Variants in ASTN1 observed in about 807,000 individuals in gnomAD.
The protein encoded by ASTN1 is astrotactin 1.
ASTN1 carries 41 observed loss-of-function variants against 140.7 expected under a neutral mutation model. The observed-to-expected ratio is 0.29, with a 90% CI of 0.23 to 0.38. ASTN1 has a LOEUF of 0.38. ASTN1 is among the 10% of genes least tolerant of loss of function. The pLI is 1.00. For synonymous variants in ASTN1, 640 were observed against 652.2 expected (o/e 0.98, Z 0.29); for missense variants, 1,479 against 1,678.8 (o/e 0.88, Z 2.08).
At chr1:177,016,011 A>G (rs1156494958) in intron 7 of ASTN1, among the ~76,000 whole-genome samples, 1 of 152,202 alleles carries the variant, frequency 6.6e-6, no homozygotes, top group Non-Finnish European at 1.5e-5. Flanking sequence ...CCATTTCTTT[A>G]TCTCCCCAGA....
intron 16 of ASTN1, among the ~76,000 whole-genome samples, chr1:176,896,264 C>T (rs753856702): frequency 1.2e-4 from 19 of 152,164 alleles, no homozygotes; most frequent in Non-Finnish European, 2.1e-4. Context: ...TATAATTCAT[C>T]GCATACTTGC....
intron 9 of ASTN1, among the ~76,000 whole-genome samples, chr1:176,958,760 G>A (rs544343825): frequency 4.6e-5 from 7 of 152,292 alleles, no homozygotes; most frequent in African/African-American, 7.2e-5. Flanking sequence ...AGCTTTCTTC[G>A]GATTTGAAGC....
intron 9 of ASTN1, among the ~76,000 whole-genome samples, chr1:176,964,438 A>C (rs1452294643): frequency 6.6e-6 from 1 of 152,234 alleles, no homozygotes; most frequent in Middle Eastern, 3.2e-3. Context: ...TAGATTGACA[A>C]AATGAATGGA....
intron 2 of ASTN1, among the ~76,000 whole-genome samples, chr1:177,034,654 T>C (rs1238104207): frequency 6.6e-6 from 1 of 152,168 alleles, no homozygotes; most frequent in Non-Finnish European, 1.5e-5. Flanking sequence ...CTAAGCCCTG[T>C]ACCACTCATT....
Position 176,862,231 on chromosome 1 carries a change from T to C in ASTN1, c.*2053A>G, listed in dbSNP as rs1667993352. On this transcript the variant is annotated 3_prime_UTR_variant, in exon 23 of 23. Transcript: ENST00000361833. ...TTTGCTTTGAAAGTAGGGGAATCTC[T>C]GAGGCAGGTGCATTAGAGAGTTTGA... The C allele has an allele frequency of 3.0e-6, 3 of 985,446 alleles. No homozygotes were observed. The highest frequency in any genetic ancestry group is 5.2e-4 in the Middle Eastern group (1 of 1,914). 61.0% of individuals were successfully genotyped at this position (985,446 alleles called of 1,614,324 possible).
At chr1:176,975,283 T>C (rs1204097114) in intron 8 of ASTN1, among the ~76,000 whole-genome samples, 2 of 152,186 alleles carry the variant, frequency 1.3e-5, no homozygotes, top group Non-Finnish European at 2.9e-5. Context: ...TGTGTTATTA[T>C]CCCCAAGTGG....
chr1:177,149,434 A>ATATATATATAG (rs1682905882), intron 1 of ASTN1, among the ~76,000 whole-genome samples: 1 of 65,996 alleles, frequency 1.5e-5, no homozygotes, highest in Admixed American at 2.5e-4. Context: ...TATATAGTAA[A>ATATATATATAG]TATATATATA....
intron 17 of ASTN1, among the ~76,000 whole-genome samples, chr1:176,891,251 A>G (rs1194470052): frequency 6.6e-6 from 1 of 152,224 alleles, no homozygotes; most frequent in Non-Finnish European, 1.5e-5. Flanking sequence ...ATTCCAGGAA[A>G]GAAATAAAAT....
intron 1 of ASTN1, among the ~76,000 whole-genome samples, chr1:177,142,128 A>G (rs1413409393): frequency 2.0e-5 from 3 of 152,198 alleles, no homozygotes; most frequent in Non-Finnish European, 4.4e-5. Context: ...TTATGTAGAC[A>G]TGCTCTGAAG....
chr1:177,148,868 G>A (rs1486933766), intron 1 of ASTN1, among the ~76,000 whole-genome samples: 2 of 151,434 alleles, frequency 1.3e-5, no homozygotes, highest in Admixed American at 1.3e-4. Context: ...TTATGAATGG[G>A]GAGACTGATA....
At chr1:176,994,834 A>G (rs1674362626) in intron 8 of ASTN1, among the ~76,000 whole-genome samples, 1 of 152,304 alleles carries the variant, frequency 6.6e-6, no homozygotes, top group South Asian at 2.1e-4. Flanking sequence ...AGCATGTAAT[A>G]AGCCCTAAAT....
chr1:176,939,698 T>C (rs980594412), intron 14 of ASTN1, among the ~76,000 whole-genome samples: 6 of 152,062 alleles, frequency 3.9e-5, no homozygotes, highest in Non-Finnish European at 7.4e-5. Context: ...TCTCTGACTA[T>C]GTTTTTTCAA....
intron 8 of ASTN1, among the ~76,000 whole-genome samples, chr1:176,968,749 G>A (rs1207335159): frequency 6.6e-6 from 1 of 152,210 alleles, no homozygotes; most frequent in African/African-American, 2.4e-5. Context: ...TTAGGCAACA[G>A]GAATTGGGAT....
chr1:177,137,698 T>C (rs543595405), intron 1 of ASTN1, among the ~76,000 whole-genome samples: 1 of 152,312 alleles, frequency 6.6e-6, no homozygotes, highest in African/African-American at 2.4e-5. Context: ...GCACCCAAGC[T>C]AGGCCTGGAA....
At chr1:176,932,273 T>C (rs188009896) in intron 16 of ASTN1, among the ~76,000 whole-genome samples, 4 of 152,348 alleles carry the variant, frequency 2.6e-5, no homozygotes, top group Non-Finnish European at 4.4e-5. Context: ...ACAGAAGGTA[T>C]AGCCCTTGCA....
chr1:177,097,964 C>T (rs528167462), intron 1 of ASTN1, among the ~76,000 whole-genome samples: 1 of 152,308 alleles, frequency 6.6e-6, no homozygotes, highest in Admixed American at 6.5e-5. Context: ...TTCCCCCACC[C>T]CATACCCTTC....
rs189152881 is a variant in ASTN1, at chr1:176,874,008, C to T, written c.3463+2529G>A. Among the ~76,000 whole-genome samples the T allele has an allele frequency of 1.4e-3, 209 of 152,296 alleles. 1 individual carries two copies. The highest frequency in any genetic ancestry group is 2.6e-3 in the Non-Finnish European group (177 of 68,024). On this transcript the variant is annotated intron_variant, in intron 21 of 22. Coordinates refer to ENST00000361833, the MANE Select transcript of ASTN1 (RefSeq NM_004319.3). Reference sequence around the variant, plus strand: ...ATCCATCCCTGTAGGTAGCATCATGCTGCATCCCCTCCACCTGCTAATCAC... The same window carrying T: ...ATCCATCCCTGTAGGTAGCATCATGTTGCATCCCCTCCACCTGCTAATCAC...
chr1:176,862,281 G>T lies in ASTN1; in HGVS notation c.*2003C>A, dbSNP rs1667994717. ...AAATAAATCCTTCAGTGTTTGGAAA[G>T]AAGGAGAGAGGAGAGTGAAACCACC... On this transcript the variant is annotated 3_prime_UTR_variant, in exon 23 of 23. Coordinates refer to ENST00000361833, the MANE Select transcript of ASTN1 (RefSeq NM_004319.3). 2.0e-6 allele frequency: 2 copies of T among 985,366 alleles called. No homozygotes were observed. The highest frequency in any genetic ancestry group is 9.4e-5 in the South Asian group (2 of 21,284). 61.0% of individuals were successfully genotyped at this position (985,366 alleles called of 1,614,324 possible).
intron 21 of ASTN1, among the ~76,000 whole-genome samples, chr1:176,876,065 T>C (rs1013993053): frequency 2.6e-5 from 4 of 152,218 alleles, no homozygotes; most frequent in Non-Finnish European, 5.9e-5. Flanking sequence ...AACTTCAAAA[T>C]ATACAATTAA....
Sources: allele counts gnomAD v4.1 joint callset (sites outside exome capture counted in the v4.1 genomes callset), GRCh38; gene constraint gnomAD v4.1.1; transcripts MANE v1.5; gene names NCBI Gene and HGNC (gene_info 2026-07-23, HGNC 2026-07-21).